The following NEFM variants were observed in gnomAD, a reference collection of about 807,000 sequenced individuals.
NEFM encodes neurofilament medium chain.
In NEFM, 16 loss-of-function variants were observed where a neutral mutation model predicts 48.1. That is an observed-to-expected ratio of 0.33 (90% CI 0.23 to 0.51). The LOEUF (loss-of-function observed/expected upper bound fraction) is 0.51, where lower values mean the gene tolerates loss of function less well. NEFM is among the 20% of genes least tolerant of loss of function. NEFM has a pLI of 0.98. For synonymous variants in NEFM, 465 were observed against 456.9 expected (o/e 1.02, Z -0.23); for missense variants, 1,107 against 1,136.0 (o/e 0.97, Z 0.37).
chr8:24,914,049 G>T lies in NEFM; in HGVS notation c.256G>T (p.Gly86Cys), dbSNP rs752257011. 1 of 1,612,628 alleles carries T rather than the reference G, an allele frequency of 6.2e-7. No individual in the cohort carries two copies. The highest frequency in any genetic ancestry group is 2.2e-5 in the East Asian group (1 of 44,878). Reference sequence around the variant, plus strand: ...CAGCCAGTCCTCGTCCCTGCTCAACGGCGGCTCCGGACCCGGCGGCGACTA... The same window carrying T: ...CAGCCAGTCCTCGTCCCTGCTCAACTGCGGCTCCGGACCCGGCGGCGACTA... ...DFSQSSSLLN[G>C]GSGPGGDYKL... Residue 86 changes from glycine to cysteine, a missense_variant, in exon 1 of 3, where the codon GGC becomes TGC. This residue lies in a region of NEFM where 186 missense variants were observed against 200.6 expected (regional missense o/e 0.93). Transcript: ENST00000221166.
chr8:24,917,170 C>T lies in NEFM; in HGVS notation c.1315C>T (p.Pro439Ser), dbSNP rs196864. Reference protein sequence around the residue: ...PITISSKIQKPKVEAPKLKVQ... With the variant: ...PITISSKIQKSKVEAPKLKVQ... The stretch of plus-strand genomic sequence containing the variant: ...CACAATATCCAGTAAGATTCAGAAA[C>T]CCAAGGTGGAAGCTCCCAAGCTTAA... The change falls in exon 3 of 3, where the codon CCC becomes TCC. Residue 439 changes from proline (P) to serine (S), a missense_variant. By Grantham distance (74) the Pro-to-Ser change is moderately conservative (BLOSUM62 -1). Around this residue, in one of 3 missense-constraint regions of NEFM, gnomAD observed 917 missense variants for 916.4 expected, o/e 1.00. Coordinates refer to ENST00000221166, the MANE Select transcript of NEFM (RefSeq NM_005382.2). The T allele has an allele frequency of 4.3e-6, 7 of 1,614,000 alleles. No homozygotes were observed. Among genetic ancestry groups the T allele is most frequent in the Non-Finnish European group, 5.9e-6 (7 of 1,180,042 alleles).
chr8:24,914,489 C>T lies in NEFM; in HGVS notation c.696C>T (p.Ala232=). ...TGCAGTCGCTGCAGGATGAGGTGGCCTTCCTGCGGAGCAACCACGAGGAGG... is the reference window on the plus strand; with the variant it reads ...TGCAGTCGCTGCAGGATGAGGTGGCTTTCCTGCGGAGCAACCACGAGGAGG... The part of the protein sequence containing the change: ...KKVQSLQDEV[A]FLRSNHEEEV... The change falls in exon 1 of 3, where the codon GCC becomes GCT. Residue 232 remains alanine (A), a synonymous_variant. Transcript: ENST00000221166. The T allele has an allele frequency of 6.2e-7, 1 of 1,614,062 alleles. No individual in the cohort carries two copies. The highest frequency in any genetic ancestry group is 8.5e-7 in the Non-Finnish European group (1 of 1,180,038).
chr8:24,915,319 T>C, intron 1 of NEFM: 1 of 1,290,802 alleles, frequency 7.7e-7, no homozygotes, highest in Non-Finnish European at 1.0e-6. Context: ...AGTTTCCCCA[T>C]GCATGTTTGT....
At position 24,917,267 on chromosome 8, in the gene NEFM, A is replaced by G. The variant is rs1346776958; in HGVS notation, c.1412A>G (p.Glu471Gly). Residue 471 changes from glutamate (E) to glycine (G), a missense_variant, in exon 3 of 3, where the codon GAG becomes GGG. This residue lies in a region of NEFM where 917 missense variants were observed against 916.4 expected (regional missense o/e 1.00). Transcript: ENST00000221166. ...GAGGATGAGAAGTCAGAAATGGAAGAGGCCCTGACAGCCATTACAGAGGAA... is the reference window on the plus strand; with the variant it reads ...GAGGATGAGAAGTCAGAAATGGAAGGGGCCCTGACAGCCATTACAGAGGAA... ...KVEDEKSEMEEALTAITEELA... is the reference protein window; with the variant it reads ...KVEDEKSEMEGALTAITEELA... 6.2e-7 allele frequency: 1 copy of G among 1,614,078 alleles called. No homozygotes were observed. Among genetic ancestry groups the G allele is most frequent in the African/African-American group, 1.3e-5 (1 of 74,922 alleles).
In NEFM at chr8:24,916,911, A is replaced by T. The variant is rs142275787; in HGVS notation, c.1206-150A>T. On this transcript the variant is annotated intron_variant, in intron 2 of 2. Transcript: ENST00000221166. The stretch of plus-strand genomic sequence containing the variant: ...GTATAATGTAATATGCCAGTAAGTG[A>T]TAGCAGGTATTATAGTGAATTCATA... 8.6e-3 allele frequency: 6,449 copies of T among 751,892 alleles called. 42 individuals carry two copies. The highest frequency in any genetic ancestry group is 0.013 in the Non-Finnish European group (5,468 of 424,284). 46.6% of individuals were successfully genotyped at this position (751,892 alleles called of 1,614,324 possible).
rs1802542848 is a variant in NEFM at position 24,914,525 on chromosome 8, C to T, written c.732C>T (p.Asp244=). The change falls in exon 1 of 3, where the codon GAC becomes GAT. Residue 244 remains aspartate (D), a synonymous_variant. Transcript: ENST00000221166. ...GCAACCACGAGGAGGAGGTGGCCGA[C>T]CTTCTGGCCCAGATCCAGGCATCGC... ...LRSNHEEEVA[D]LLAQIQASHI... 6 of 1,614,098 alleles carry T rather than the reference C, an allele frequency of 3.7e-6. No individual in the cohort carries two copies. The highest frequency in any genetic ancestry group is 1.6e-4 in the Middle Eastern group (1 of 6,062).
At position 24,917,944 on chromosome 8, in the gene NEFM, G is replaced by C. The variant is rs59726684; in HGVS notation, c.2089G>C (p.Gly697Arg). 0.014 allele frequency: 21,943 copies of C among 1,614,108 alleles called. 205 individuals are homozygous for C. Among genetic ancestry groups the C allele is most frequent in the Non-Finnish European group, 0.016 (19,180 of 1,180,002 alleles). ...VEEAKSKAEVGKGEQKEEEEK... is the reference protein window; with the variant it reads ...VEEAKSKAEVRKGEQKEEEEK... The stretch of plus-strand genomic sequence containing the variant: ...AGAGGCAAAGTCAAAAGCAGAAGTG[G>C]GGAAAGGTGAACAGAAAGAGGAAGA... Residue 697 changes from glycine (G) to arginine (R), a missense_variant, in exon 3 of 3, where the codon GGG becomes CGG. Coordinates refer to ENST00000221166, the MANE Select transcript of NEFM (RefSeq NM_005382.2).
At position 24,913,825 on chromosome 8, in the gene NEFM, C is replaced by T. The variant is rs572183464; in HGVS notation, c.32C>T (p.Pro11Leu). MSYTLDSLGNPSAYRRVTETR... is the reference protein window; with the variant it reads MSYTLDSLGNLSAYRRVTETR... Reference sequence around the variant, plus strand: ...TACACGTTGGACTCGCTGGGCAACCCGTCCGCCTACCGGCGGGTAACCGAG... The same window carrying T: ...TACACGTTGGACTCGCTGGGCAACCTGTCCGCCTACCGGCGGGTAACCGAG... The change falls in exon 1 of 3, where the codon CCG becomes CTG. Residue 11 changes from proline to leucine, a missense_variant. By Grantham distance (98) the Pro-to-Leu change is moderately conservative. Coordinates refer to ENST00000221166, the MANE Select transcript of NEFM (RefSeq NM_005382.2). The T allele has an allele frequency of 1.2e-6, 2 of 1,610,796 alleles. No individual in the cohort carries two copies. Among genetic ancestry groups the T allele is most frequent in the African/African-American group, 2.7e-5 (2 of 75,038 alleles).
chr8:24,917,872 C>T lies in NEFM; in HGVS notation c.2017C>T (p.Pro673Ser). The change falls in exon 3 of 3, where the codon CCA (proline) becomes TCA (serine). Residue 673 changes from proline to serine, a missense_variant. Transcript: ENST00000221166. ...AGGCAAGTCTCCTGTGTCAAAATCA[C>T]CAGTGGAAGAGAAAGCCAAATCTCC... Reference protein sequence around the residue: ...EKGKSPVSKSPVEEKAKSPVP... With the variant: ...EKGKSPVSKSSVEEKAKSPVP... The T allele has an allele frequency of 6.2e-7, 1 of 1,613,916 alleles. No homozygotes were observed. The highest frequency in any genetic ancestry group is 1.1e-5 in the South Asian group (1 of 91,068).
chr8:24,918,252 C>T lies in NEFM; in HGVS notation c.2397C>T (p.Asp799=). Residue 799 remains aspartate, a synonymous_variant, in exon 3 of 3, where the codon GAC becomes GAT. Coordinates refer to ENST00000221166, the MANE Select transcript of NEFM (RefSeq NM_005382.2). ...DKGAKGSRKE[D]IAVNGEVEGK... ...GTGCCAAGGGATCCAGGAAGGAAGA[C>T]ATAGCTGTCAATGGGGAGGTAGAAG... The T allele has an allele frequency of 6.3e-7, 1 of 1,581,572 alleles. No homozygotes were observed. Among genetic ancestry groups the T allele is most frequent in the Non-Finnish European group, 8.6e-7 (1 of 1,163,724 alleles).
chr8:24,917,672 A>C lies in NEFM; in HGVS notation c.1817A>C (p.Lys606Thr). The C allele has an allele frequency of 1.2e-6, 2 of 1,613,410 alleles. No individual in the cohort carries two copies. Among genetic ancestry groups the C allele is most frequent in the Non-Finnish European group, 1.7e-6 (2 of 1,180,016 alleles). The part of the protein sequence containing the change: ...ATKEELVADA[K>T]VEKPEKAKSP... ...AAGGAGGAGCTGGTGGCAGATGCCA[A>C]GGTGGAAAAGCCAGAAAAAGCCAAG... is the stretch of plus-strand genomic sequence containing the variant. The change falls in exon 3 of 3, where the codon AAG becomes ACG. Residue 606 changes from lysine to threonine, a missense_variant. Around this residue, in one of 3 missense-constraint regions of NEFM, gnomAD observed 917 missense variants for 916.4 expected, o/e 1.00. Coordinates refer to ENST00000221166, the MANE Select transcript of NEFM (RefSeq NM_005382.2).
At position 24,917,610 on chromosome 8, in the gene NEFM, A is replaced by G. The variant is rs1162679933; in HGVS notation, c.1755A>G (p.Glu585=). 1 of 1,611,796 alleles carries G rather than the reference A, an allele frequency of 6.2e-7. No individual in the cohort carries two copies. The highest frequency in any genetic ancestry group is 1.1e-5 in the South Asian group (1 of 90,756). Residue 585 remains glutamate, a synonymous_variant, in exon 3 of 3, where the codon GAA becomes GAG. Transcript: ENST00000221166. The stretch of plus-strand genomic sequence containing the variant: ...GAGAGGAAGCCGAAGCTAAAGAGGA[A>G]AAGAAAGTGGAGGAAAAGAGTGAGG... ...AEGEEAEAKE[E]KKVEEKSEEV...
Position 24,917,137 on chromosome 8 carries a change from C to A in NEFM, c.1282C>A (p.Pro428Thr). 1.9e-6 allele frequency: 3 copies of A among 1,614,122 alleles called. No homozygotes were observed. The highest frequency in any genetic ancestry group is 2.5e-6 in the Non-Finnish European group (3 of 1,180,028). Residue 428 changes from proline to threonine, a missense_variant, in exon 3 of 3, where the codon CCC (proline) becomes ACC (threonine). Coordinates refer to ENST00000221166, the MANE Select transcript of NEFM (RefSeq NM_005382.2). The part of the protein sequence containing the change: ...SITGPLYTHR[P>T]PITISSKIQK... Reference sequence around the variant, plus strand: ...CACTGGGCCACTGTATACACACCGACCCCCAATCACAATATCCAGTAAGAT... The same window carrying A: ...CACTGGGCCACTGTATACACACCGAACCCCAATCACAATATCCAGTAAGAT...
At position 24,914,517 on chromosome 8, in the gene NEFM, G is replaced by A. The variant is rs1802542638; in HGVS notation, c.724G>A (p.Val242Met). 3.7e-6 allele frequency: 6 copies of A among 1,614,012 alleles called. No homozygotes were observed. The highest frequency in any genetic ancestry group is 1.1e-5 in the South Asian group (1 of 91,088). The change falls in exon 1 of 3, where the codon GTG (valine) becomes ATG (methionine). Residue 242 changes from valine to methionine, a missense_variant. By Grantham distance (21) the Val-to-Met change is conservative. This residue lies in a region of NEFM where 917 missense variants were observed against 916.4 expected (regional missense o/e 1.00). Coordinates refer to ENST00000221166, the MANE Select transcript of NEFM (RefSeq NM_005382.2). ...AFLRSNHEEE[V>M]ADLLAQIQAS... The stretch of plus-strand genomic sequence containing the variant: ...CCTGCGGAGCAACCACGAGGAGGAG[G>A]TGGCCGACCTTCTGGCCCAGATCCA...
rs1395610635 is a variant in NEFM, at chr8:24,918,126, G to A, written c.2271G>A (p.Leu757=). ...TCACCAAATCGGTAAAGGTGCACTT[G>A]GAGAAAGAGACCAAAGAAGAGGGGA... ...VTITKSVKVH[L]EKETKEEGKP... The change falls in exon 3 of 3, where the codon TTG becomes TTA. Residue 757 remains leucine, a synonymous_variant. Coordinates refer to ENST00000221166, the MANE Select transcript of NEFM (RefSeq NM_005382.2). 31 of 1,551,694 alleles carry A rather than the reference G, an allele frequency of 2.0e-5. No homozygotes were observed. The highest frequency in any genetic ancestry group is 2.3e-5 in the Non-Finnish European group (26 of 1,147,076).
Position 24,917,358 on chromosome 8 carries a change from T to TGAA in NEFM, c.1514_1516dup (p.Glu505dup), listed in dbSNP as rs746544136. ...AAGAAAAGGAAGAGGAACCCGAAGCTGAAGAAGAAGAAGTAGCTGCCAAAA... is the reference window on the plus strand; with the variant it reads ...AAGAAAAGGAAGAGGAACCCGAAGCTGAAGAAGAAGAAGAAGTAGCTGCCAAAA... On this transcript the variant is annotated inframe_insertion, in exon 3 of 3. Transcript: ENST00000221166. The TGAA allele has an allele frequency of 6.2e-7, 1 of 1,602,016 alleles. No homozygotes were observed. The highest frequency in any genetic ancestry group is 1.1e-5 in the South Asian group (1 of 89,728).
At position 24,913,917 on chromosome 8, in the gene NEFM, C is replaced by G. The variant is rs897000708; in HGVS notation, c.124C>G (p.Arg42Gly). The G allele has an allele frequency of 1.1e-5, 17 of 1,610,996 alleles. No homozygotes were observed. The highest frequency in any genetic ancestry group is 1.4e-5 in the Non-Finnish European group (16 of 1,179,122). The change falls in exon 1 of 3, where the codon CGC becomes GGC. Residue 42 changes from arginine to glycine, a missense_variant. Arg to Gly is a moderately radical substitution (Grantham distance 125). Coordinates refer to ENST00000221166, the MANE Select transcript of NEFM (RefSeq NM_005382.2). ...TGGCTTCCGCTCGCAGTCGTGGTCCCGCGGCTCGCCCAGCACCGTGTCCTC... is the reference window on the plus strand; with the variant it reads ...TGGCTTCCGCTCGCAGTCGTGGTCCGGCGGCTCGCCCAGCACCGTGTCCTC... ...SSGFRSQSWS[R>G]GSPSTVSSSY...
At position 24,918,684 on chromosome 8, in the gene NEFM, G is replaced by A. The variant is rs1381825066; in HGVS notation, c.*78G>A. ...TGATTGGCAGCTTCAAAACAGAACGGGTTCTCCCATGGGGGCTCCAGACAT... is the reference window on the plus strand; with the variant it reads ...TGATTGGCAGCTTCAAAACAGAACGAGTTCTCCCATGGGGGCTCCAGACAT... On this transcript the variant is annotated 3_prime_UTR_variant, in exon 3 of 3. Coordinates refer to ENST00000221166, the MANE Select transcript of NEFM (RefSeq NM_005382.2). 9.4e-7 allele frequency: 1 copy of A among 1,060,954 alleles called. No homozygotes were observed. Among genetic ancestry groups the A allele is most frequent in the Non-Finnish European group, 1.5e-6 (1 of 688,550 alleles). 65.7% of individuals were successfully genotyped at this position (1,060,954 alleles called of 1,614,324 possible). A position where few individuals can be genotyped will look rare whatever the true frequency, so the allele number is the denominator to read the frequency against.
At position 24,914,544 on chromosome 8, in the gene NEFM, G is replaced by A. The variant is rs1351441260; in HGVS notation, c.751G>A (p.Ala251Thr). 1.2e-6 allele frequency: 2 copies of A among 1,614,196 alleles called. No individual in the cohort carries two copies. Among genetic ancestry groups the A allele is most frequent in the South Asian group, 2.2e-5 (2 of 91,088 alleles). ...EVADLLAQIQASHITVERKDY... is the reference protein window; with the variant it reads ...EVADLLAQIQTSHITVERKDY... ...GGCCGACCTTCTGGCCCAGATCCAG[G>A]CATCGCACATCACGGTGGAGCGCAA... is the stretch of plus-strand genomic sequence containing the variant. The change falls in exon 1 of 3, where the codon GCA (alanine) becomes ACA (threonine). Residue 251 changes from alanine to threonine, a missense_variant. Ala to Thr is a moderately conservative substitution (Grantham distance 58, BLOSUM62 0). This residue lies in a region of NEFM where 917 missense variants were observed against 916.4 expected (regional missense o/e 1.00). Coordinates refer to ENST00000221166, the MANE Select transcript of NEFM (RefSeq NM_005382.2).
Sources: allele counts gnomAD v4.1 joint callset, GRCh38; gene constraint gnomAD v4.1.1; regional missense constraint gnomAD v4.1.1; transcripts MANE v1.5; gene names NCBI Gene and HGNC (gene_info 2026-07-23, HGNC 2026-07-21).